The following ZNF559 variants were observed in gnomAD, a reference collection of about 807,000 sequenced individuals.
ZNF559 encodes zinc finger protein 559, also known as putative protein product of Nbla00121.
ZNF559 carries 17 observed loss-of-function variants against 14.2 expected under a neutral mutation model. That is an observed-to-expected ratio of 1.20 (90% CI 0.82 to 1.80). The LOEUF is 1.80. ZNF559 is among the 40% of genes most tolerant of loss of function. ZNF559 has a pLI of 0.00. For missense variants in ZNF559, 740 were observed against 629.7 expected, an observed-to-expected ratio of 1.18 and a Z score of -1.88; for synonymous variants, 244 against 212.4, an observed-to-expected ratio of 1.15 and a Z score of -1.29.
intron 2 of ZNF559, among the ~76,000 whole-genome samples, chr19:9,335,153 A>T (rs2067163634): frequency 7.6e-6 from 1 of 131,158 alleles, no homozygotes; most frequent in East Asian, 2.1e-4. Flanking sequence ...AAAAAAAAAA[A>T]TTAGCTGGTC....
rs73920745 is a variant in ZNF559, at chr19:9,339,306, T to C, written c.147T>C (p.Asn49=). The C allele has an allele frequency of 3.7e-6, 6 of 1,612,894 alleles. No individual in the cohort carries two copies. The highest frequency in any genetic ancestry group is 5.1e-6 in the Non-Finnish European group (6 of 1,179,342). ...ATGTGATGCTGGAGAACTATAAGAA[T>C]CTAGTTGCAGTAGGTAAGGCTGGTA... ...YRDVMLENYK[N]LVAVDWESHI... The change falls in exon 5 of 7, where the codon AAT becomes AAC. Residue 49 remains asparagine (N), a synonymous_variant. Coordinates refer to ENST00000603380, the MANE Select transcript of ZNF559 (RefSeq NM_032497.3).
chr19:9,330,210 TTGTA>T (rs2066863919), intron 2 of ZNF559: 1 of 152,196 alleles, frequency 6.6e-6, no homozygotes, highest in Non-Finnish European at 1.5e-5. Context: ...GGAGATTCCT[TTGTA>T]TGTAGTAAGT....
At chr19:9,328,880 T>C (rs1284237923) in intron 2 of ZNF559, among the ~76,000 whole-genome samples, 1 of 152,188 alleles carries the variant, frequency 6.6e-6, no homozygotes. Flanking sequence ...TGTCAAAATA[T>C]TACATAAGCC....
chr19:9,342,206 AGTC>A lies in ZNF559; in HGVS notation c.759_761del (p.Ser254del). 1 of 1,600,790 alleles carries A rather than the reference AGTC, an allele frequency of 6.2e-7. No individual in the cohort carries two copies. ...AAAGCATGTGGGAAACCCTTCACTG[AGTC>A]GTCATATCTTACTCAACATTTAAGA... is the stretch of plus-strand genomic sequence containing the variant. On this transcript the variant is annotated inframe_deletion, in exon 7 of 7. Coordinates refer to ENST00000603380, the MANE Select transcript of ZNF559 (RefSeq NM_032497.3).
In ZNF559 at chr19:9,341,928, T is replaced by C. The variant is rs1254839384; in HGVS notation, c.477T>C (p.His159=). The C allele has an allele frequency of 4.3e-6, 7 of 1,613,610 alleles. No individual in the cohort carries two copies. Among genetic ancestry groups the C allele is most frequent in the African/African-American group, 2.7e-5 (2 of 74,908 alleles). The part of the protein sequence containing the change: ...CNQCETAFSQ[H]LHLVCKKTSQ... ...AATGTGAAACAGCCTTCAGCCAACA[T>C]CTACATCTTGTTTGCAAGAAAACTA... The change falls in exon 7 of 7, where the codon CAT becomes CAC. Residue 159 remains histidine (H), a synonymous_variant. Coordinates refer to ENST00000603380, the MANE Select transcript of ZNF559 (RefSeq NM_032497.3).
intron 2 of ZNF559, among the ~76,000 whole-genome samples, chr19:9,332,063 C>G (rs1434810018): frequency 6.6e-6 from 1 of 152,046 alleles, no homozygotes; most frequent in African/African-American, 2.4e-5. Context: ...AGTTAAAAAG[C>G]AGTCGTTTTT....
At position 9,343,808 on chromosome 19, in the gene ZNF559, G is replaced by A. The variant is rs2067673721; in HGVS notation, c.*740G>A. ...TGGTAAATATACATGTTTTAAAGAG[G>A]TTATATATCATTAATAAAAATATCT... On this transcript the variant is annotated 3_prime_UTR_variant, in exon 7 of 7. Transcript: ENST00000603380. The A allele has an allele frequency of 1.0e-6, 1 of 984,652 alleles. No homozygotes were observed. The highest frequency in any genetic ancestry group is 1.2e-6 in the Non-Finnish European group (1 of 829,416). 61.0% of individuals were successfully genotyped at this position (984,652 alleles called of 1,614,324 possible). A position where few individuals can be genotyped will look rare whatever the true frequency, so the allele number is the denominator to read the frequency against.
chr19:9,339,849 A>T (rs907479329), intron 5 of ZNF559, among the ~76,000 whole-genome samples: 1 of 150,132 alleles, frequency 6.7e-6, no homozygotes, highest in Non-Finnish European at 1.5e-5. Context: ...GCTCACTGCA[A>T]GCTCCGCCTC....
Position 9,342,251 on chromosome 19 carries a change from T to TA in ZNF559, c.801dup (p.Pro268ThrfsTer5), listed in dbSNP as rs2122303955. On this transcript the variant is annotated frameshift_variant, in exon 7 of 7. Transcript: ENST00000603380. LOFTEE classifies it low-confidence loss of function (END_TRUNC). ...CATTTAAGAACTCATAGTAGAGTGT[T>TA]ACCTATAGAACATAAGAAATTTGGC... 1 of 1,586,342 alleles carries TA rather than the reference T, an allele frequency of 6.3e-7. No individual in the cohort carries two copies. Among genetic ancestry groups the TA allele is most frequent in the Non-Finnish European group, 8.5e-7 (1 of 1,170,480 alleles).
Position 9,342,002 on chromosome 19 carries a change from C to T in ZNF559, c.551C>T (p.Pro184Leu). The T allele has an allele frequency of 6.2e-7, 1 of 1,611,394 alleles. No individual in the cohort carries two copies. Among genetic ancestry groups the T allele is most frequent in the Non-Finnish European group, 8.5e-7 (1 of 1,179,278 alleles). The change falls in exon 7 of 7, where the codon CCA (proline) becomes CTA (leucine). Residue 184 changes from proline to leucine, a missense_variant. Physicochemically the swap from Pro to Leu is moderately conservative, Grantham distance 98. Transcript: ENST00000603380. ...AAGAAAACTCACACTCAAGAGAAAC[C>T]ATATAAATGCAGTGACTGTGAAAAA... ...VCKKTHTQEKPYKCSDCEKGL... is the reference protein window; with the variant it reads ...VCKKTHTQEKLYKCSDCEKGL...
chr19:9,324,905 C>T, intron 2 of ZNF559, 125 bp downstream of exon 2: 4 of 759,484 alleles, frequency 5.3e-6, no homozygotes, highest in Non-Finnish European at 8.7e-6. Context: ...CCATCGAATG[C>T]ATGAGTGGAT....
intron 2 of ZNF559, among the ~76,000 whole-genome samples, chr19:9,333,739 G>A (rs190295822): frequency 6.1e-5 from 6 of 97,826 alleles, no homozygotes; most frequent in East Asian, 5.3e-4. Context: ...TAATTCCTAC[G>A]TATGTAACTG....
At chr19:9,328,510 C>A (rs2066760561) in intron 2 of ZNF559, among the ~76,000 whole-genome samples, 1 of 151,856 alleles carries the variant, frequency 6.6e-6, no homozygotes, top group African/African-American at 2.4e-5. Context: ...CCTGCCACCA[C>A]ACCTCACTAA....
chr19:9,338,474 T>TAAAA lies in ZNF559; in HGVS notation c.-56-20_-56-19insAAAA, dbSNP rs766935916. On this transcript the variant is annotated intron_variant, in intron 3 of 6. Coordinates refer to ENST00000603380, the MANE Select transcript of ZNF559 (RefSeq NM_032497.3). ...GCTATCAGCAGCCTGGATTCTCAGA[T>TAAAA]TTTATTTCTTCTTCTTAAGATCATC... 26 of 1,599,894 alleles carry TAAAA rather than the reference T, an allele frequency of 1.6e-5. No homozygotes were observed. Among genetic ancestry groups the TAAAA allele is most frequent in the Non-Finnish European group, 2.2e-5 (26 of 1,168,822 alleles).
In ZNF559 at chr19:9,341,952, T is replaced by C. The variant is rs1171988921; in HGVS notation, c.501T>C (p.Thr167=). Reference sequence around the variant, plus strand: ...ATCTACATCTTGTTTGCAAGAAAACTAGCCAAAATCTACATCTTGTTTGCA... The same window carrying C: ...ATCTACATCTTGTTTGCAAGAAAACCAGCCAAAATCTACATCTTGTTTGCA... ...SQHLHLVCKK[T]SQNLHLVCKK... Residue 167 remains threonine (T), a synonymous_variant, in exon 7 of 7, where the codon ACT becomes ACC. Transcript: ENST00000603380. The C allele has an allele frequency of 2.5e-6, 4 of 1,613,844 alleles. No homozygotes were observed. The highest frequency in any genetic ancestry group is 4.5e-5 in the East Asian group (2 of 44,860).
chr19:9,338,599 T>C lies in ZNF559; in HGVS notation c.33+17T>C, dbSNP rs186818189. ...TACTCTCAGGTAAGTAGGAAATTGC[T>C]TTTTCTGTAGAAGCATATGCTTCTT... On this transcript the variant is annotated intron_variant, in intron 4 of 6. Coordinates refer to ENST00000603380, the MANE Select transcript of ZNF559 (RefSeq NM_032497.3). 1.1e-5 allele frequency: 17 copies of C among 1,591,926 alleles called. No homozygotes were observed. The East Asian group carries it at 3.8e-4, about 36-fold the overall frequency.
In ZNF559 at chr19:9,345,662, T is replaced by TA. The variant is rs1460517444; in HGVS notation, c.*2594_*2595insA. 6.6e-6 allele frequency: 1 copy of TA among 151,238 alleles called. No individual in the cohort carries two copies. The highest frequency in any genetic ancestry group is 1.5e-5 in the Non-Finnish European group (1 of 67,806). The allele number at this position is 151,238 out of a possible 1,614,324, so 9.4% of individuals were successfully genotyped here. On this transcript the variant is annotated 3_prime_UTR_variant, in exon 7 of 7. Coordinates refer to ENST00000603380, the MANE Select transcript of ZNF559 (RefSeq NM_032497.3). The stretch of plus-strand genomic sequence containing the variant: ...TTTATTTTTTATTTATTTTTATTTT[T>TA]TTTTATATAGAGACAGGGTTTTACT...
chr19:9,339,133 C>G (rs2067401078), intron 4 of ZNF559, 60 bp from the exon 5 acceptor site: 10 of 1,608,264 alleles, frequency 6.2e-6, no homozygotes, highest in Non-Finnish European at 8.5e-6. Context: ...GTCCCTCATT[C>G]TCCAGTCAAC....
intron 2 of ZNF559, among the ~76,000 whole-genome samples, chr19:9,325,492 A>G (rs1414197027): frequency 6.6e-6 from 1 of 151,914 alleles, no homozygotes; most frequent in Non-Finnish European, 1.5e-5. Context: ...CTGTAGCTCG[A>G]GTAAAACAAA....
Sources: gnomAD v4.1 joint callset for allele counts (sites outside exome capture counted in the v4.1 genomes callset) on GRCh38, gnomAD v4.1.1 for gene constraint, MANE v1.5 for transcripts, NCBI Gene and HGNC (gene_info 2026-07-23, HGNC 2026-07-21) for gene names.